The following CPAP variants were observed in gnomAD, a reference collection of about 807,000 sequenced individuals.
The protein encoded by CPAP is centrosome assembly and centriole elongation protein, also known as centrosomal P4.1-associated protein.
chr13:24,923,244 G>GTT, the CPAP span, among the ~76,000 whole-genome samples: 8 of 146,460 alleles, frequency 5.5e-5, no homozygotes, highest in Admixed American at 4.1e-4. Flanking sequence ...TTTGGGTTTT[G>GTT]TTTTTTTTTT....
At chr13:24,933,225 A>G in the CPAP span, 24,723 of 1,012,554 alleles carry the variant, frequency 0.024, 521 homozygotes, top group African/African-American at 0.096. Context: ...AACAGAGATT[A>G]GCAGCAGGAG....
the CPAP span, chr13:24,885,449 TATAGGGTTCTAGGACTAGTGTTTACAAA>T: frequency 7.9e-7 from 1 of 1,260,724 alleles, no homozygotes; most frequent in South Asian, 1.2e-5. Context: ...CAGATTCTGA[TATAGGGTTCTAGGACTAGTGTTTACAAA>T]ATATAACATT....
chr13:24,885,716 A>C, the CPAP span: 1 of 1,325,580 alleles, frequency 7.5e-7, no homozygotes, highest in South Asian at 1.2e-5. Flanking sequence ...ATTTAATTGA[A>C]AATTTTATTA....
the CPAP span, among the ~76,000 whole-genome samples, chr13:24,924,407 G>A: frequency 5.3e-3 from 808 of 152,206 alleles, 22 homozygotes; most frequent in East Asian, 0.081. Context: ...TTTGTTGATT[G>A]AATAAATAAA....
chr13:24,918,522 T>C, the CPAP span, among the ~76,000 whole-genome samples: 1 of 152,226 alleles, frequency 6.6e-6, no homozygotes, highest in African/African-American at 2.4e-5. Flanking sequence ...GCCTTATCAA[T>C]AACAGTTAAC....
chr13:24,917,667 T>C, the CPAP span, among the ~76,000 whole-genome samples: 1 of 152,236 alleles, frequency 6.6e-6, no homozygotes, highest in African/African-American at 2.4e-5. Flanking sequence ...GTTACAGTGA[T>C]CTATTTAAAT....
At chr13:24,900,768 A>G in the CPAP span, among the ~76,000 whole-genome samples, 1 of 152,320 alleles carries the variant, frequency 6.6e-6, no homozygotes, top group African/African-American at 2.4e-5. Context: ...TAATAACCAG[A>G]GAAAGCCAAT....
At chr13:24,885,275 C>T in the CPAP span, 1 of 1,569,788 alleles carries the variant, frequency 6.4e-7, no homozygotes, top group Non-Finnish European at 8.8e-7. Flanking sequence ...CATTTTTTAA[C>T]CTTTCCATCA....
At chr13:24,917,996 T>C in the CPAP span, among the ~76,000 whole-genome samples, 4 of 152,240 alleles carry the variant, frequency 2.6e-5, no homozygotes, top group Admixed American at 6.5e-5. Flanking sequence ...CTCAACACTG[T>C]TGCATTGGGA....
the CPAP span, among the ~76,000 whole-genome samples, chr13:24,907,648 A>G: frequency 1.6e-4 from 24 of 152,176 alleles, no homozygotes; most frequent in African/African-American, 5.5e-4. Context: ...AATCTTTGCC[A>G]TATTTTAAAA....
the CPAP span, chr13:24,884,132 T>C: frequency 4.4e-6 from 7 of 1,602,690 alleles, no homozygotes; most frequent in Admixed American, 8.4e-5. Flanking sequence ...AAGGGAAGAA[T>C]TTAATGAGAG....
chr13:24,918,118 T>G, the CPAP span, among the ~76,000 whole-genome samples: 13 of 152,288 alleles, frequency 8.5e-5, 1 homozygote, highest in South Asian at 1.5e-3. Context: ...AAAAGATGTA[T>G]GAACAATTTT....
At chr13:24,931,474 C>T in the CPAP span, among the ~76,000 whole-genome samples, 2 of 151,960 alleles carry the variant, frequency 1.3e-5, no homozygotes, top group African/African-American at 2.4e-5. Context: ...TGGTAAATTA[C>T]GGTGTCCCCA....
chr13:24,887,192 C>CA, the CPAP span, among the ~76,000 whole-genome samples: 1 of 152,108 alleles, frequency 6.6e-6, no homozygotes, highest in Non-Finnish European at 1.5e-5. Flanking sequence ...TTAGGTTCAT[C>CA]AAAAGATACT....
the CPAP span, among the ~76,000 whole-genome samples, chr13:24,924,393 A>G: frequency 1.3e-5 from 2 of 152,056 alleles, no homozygotes; most frequent in African/African-American, 2.4e-5. Flanking sequence ...GTAGTGCCAC[A>G]TTGTTTGTTG....
At chr13:24,913,618 T>C in the CPAP span, among the ~76,000 whole-genome samples, 1 of 152,224 alleles carries the variant, frequency 6.6e-6, no homozygotes, top group Admixed American at 6.5e-5. Context: ...CTCATCTGTA[T>C]TCCTAGAGGT....
At chr13:24,896,264 A>G in the CPAP span, among the ~76,000 whole-genome samples, 1 of 152,204 alleles carries the variant, frequency 6.6e-6, no homozygotes, top group African/African-American at 2.4e-5. Context: ...AACAAAGGCG[A>G]GAGTTCAAGA....
At chr13:24,928,263 C>T in the CPAP span, among the ~76,000 whole-genome samples, 1 of 152,178 alleles carries the variant, frequency 6.6e-6, no homozygotes, top group South Asian at 2.1e-4. Context: ...GGCAGATCCC[C>T]AAGCCCAGGT....
chr13:24,917,913 C>T, the CPAP span, among the ~76,000 whole-genome samples: 1 of 152,212 alleles, frequency 6.6e-6, no homozygotes, highest in Non-Finnish European at 1.5e-5. Context: ...TAACCCACTT[C>T]TGAGATAACA....
Sources: gnomAD v4.1 joint callset for allele counts (sites outside exome capture counted in the v4.1 genomes callset) on GRCh38, gnomAD v4.1.1 for gene constraint, MANE v1.5 for transcripts, NCBI Gene and HGNC (gene_info 2026-07-23, HGNC 2026-07-21) for gene names.